Variants in PTPRD observed in about 807,000 individuals in gnomAD.
The protein encoded by PTPRD is receptor-type tyrosine-protein phosphatase delta.
A neutral mutation model predicts 214.5 loss-of-function variants in PTPRD; 34 were observed. That is an observed-to-expected ratio of 0.16 (90% CI 0.12 to 0.21). The LOEUF (loss-of-function observed/expected upper bound fraction) is 0.21, where lower values mean the gene tolerates loss of function less well. Ranked by LOEUF, PTPRD falls within the 10% of genes least tolerant of loss-of-function variation. The probability of loss-of-function intolerance (pLI) is 1.00; values close to 1 mark genes in which losing one functional copy is unlikely to be tolerated. For missense variants in PTPRD, 2,545 were observed against 2,398.7 expected (o/e 1.06, Z -1.27); for synonymous variants, 1,128 against 845.7 (o/e 1.33, Z -5.79).
chr9:10,458,985 G>C (rs946270293), intron 2 of PTPRD, among the ~76,000 whole-genome samples: 2 of 152,076 alleles, frequency 1.3e-5, no homozygotes, highest in Non-Finnish European at 2.9e-5. Context: ...GTTCCGTGGT[G>C]GTTTGCTGCA....
chr9:8,469,821 A>G (rs1042638713), intron 31 of PTPRD, among the ~76,000 whole-genome samples: 1 of 152,094 alleles, frequency 6.6e-6, no homozygotes, highest in African/African-American at 2.4e-5. Flanking sequence ...ACACGATCAA[A>G]TTTAATTCAG....
At chr9:9,804,955 T>C (rs536681602) in intron 5 of PTPRD, among the ~76,000 whole-genome samples, 1 of 152,174 alleles carries the variant, frequency 6.6e-6, no homozygotes, top group East Asian at 1.9e-4. Context: ...TAAAATATAT[T>C]TAAAATTTAC....
chr9:8,491,576 A>C (rs2097150783), intron 27 of PTPRD, among the ~76,000 whole-genome samples: 1 of 151,744 alleles, frequency 6.6e-6, no homozygotes, highest in African/African-American at 2.4e-5. Context: ...ATCCACAGCC[A>C]GATAGTCATC....
At chr9:9,671,007 G>A (rs1167909721) in intron 7 of PTPRD, among the ~76,000 whole-genome samples, 1 of 152,046 alleles carries the variant, frequency 6.6e-6, no homozygotes, top group Non-Finnish European at 1.5e-5. Flanking sequence ...TAAGAAGAGG[G>A]CCACCATACT....
chr9:9,737,870 C>G (rs180862363), intron 6 of PTPRD, among the ~76,000 whole-genome samples: 4 of 152,138 alleles, frequency 2.6e-5, no homozygotes, highest in African/African-American at 9.7e-5. Flanking sequence ...TCAGGGTCAT[C>G]TGGTAATTCT....
chr9:10,549,000 G>T (rs1314269929), intron 2 of PTPRD, among the ~76,000 whole-genome samples: 1 of 152,134 alleles, frequency 6.6e-6, no homozygotes, highest in African/African-American at 2.4e-5. Flanking sequence ...TTTTCCACAA[G>T]CAACTTCATG....
At chr9:9,014,204 T>G (rs199730546) in intron 11 of PTPRD, among the ~76,000 whole-genome samples, 15,346 of 105,884 alleles carry the variant, frequency 0.14, 879 homozygotes, top group Middle Eastern at 0.25. Context: ...TGTTTGTTTT[T>G]TTTTTTTTTC....
chr9:9,232,641 T>C (rs1187438708), intron 9 of PTPRD, among the ~76,000 whole-genome samples: 1 of 152,198 alleles, frequency 6.6e-6, no homozygotes, highest in East Asian at 1.9e-4. Context: ...TAAGTTTGAC[T>C]GTTTTCACAC....
intron 10 of PTPRD, among the ~76,000 whole-genome samples, chr9:9,050,075 GTGCAATTTATTGCCCA>G (rs1230112068): frequency 3.9e-5 from 6 of 152,152 alleles, no homozygotes; most frequent in African/African-American, 1.4e-4. Flanking sequence ...ATGTGTGCTT[GTGCAATTTATTGCCCA>G]TGCAATTTAT....
chr9:9,911,114 G>T (rs1424540055), intron 5 of PTPRD, among the ~76,000 whole-genome samples: 2 of 151,914 alleles, frequency 1.3e-5, no homozygotes, highest in African/African-American at 4.8e-5. Context: ...GGTTTATTGT[G>T]TGGATAATAT....
intron 43 of PTPRD, 75 bp downstream of exon 43, chr9:8,338,847 C>CAGAGAGACAGAG (rs143960430): frequency 1.0e-6 from 1 of 979,240 alleles, no homozygotes; most frequent in Non-Finnish European, 1.4e-6. Context: ...GTGCTTCTCC[C>CAGAGAGACAGAG]AGAGAGAGAG....
intron 3 of PTPRD, among the ~76,000 whole-genome samples, chr9:10,291,363 C>G (rs2095522617): frequency 6.6e-6 from 1 of 152,026 alleles, no homozygotes; most frequent in African/African-American, 2.4e-5. Context: ...ACATCCTAAT[C>G]CTTGAATGTT....
chr9:9,669,703 A>G (rs2096790597), intron 7 of PTPRD, among the ~76,000 whole-genome samples: 1 of 152,162 alleles, frequency 6.6e-6, no homozygotes, highest in Non-Finnish European at 1.5e-5. Flanking sequence ...TAATCTGGCC[A>G]GTTTGAATAA....
At position 9,359,341 on chromosome 9, in the gene PTPRD, C is replaced by T. The variant is rs117816554; in HGVS notation, c.-203+38108G>A. 1.4e-4 allele frequency among the ~76,000 whole-genome samples: 21 copies of T among 151,282 alleles called. No individual in the cohort carries two copies. In the East Asian group the frequency reaches 2.3e-3, roughly 17 times the overall value. ...TTCTAAGGAATAGGAAAGGACACTT[C>T]GGGGACTACAAAGAAATTGATTTAA... On this transcript the variant is annotated intron_variant, in intron 9 of 45. Coordinates refer to ENST00000381196, the MANE Select transcript of PTPRD (RefSeq NM_002839.4).
chr9:8,369,752 G>A (rs932456360), intron 39 of PTPRD, among the ~76,000 whole-genome samples: 2 of 151,848 alleles, frequency 1.3e-5, no homozygotes, highest in African/African-American at 4.8e-5. Flanking sequence ...TGTGACATAA[G>A]ATTTAGTATC....
chr9:10,134,670 A>G (rs1388247189), intron 3 of PTPRD, among the ~76,000 whole-genome samples: 2 of 152,016 alleles, frequency 1.3e-5, no homozygotes, highest in Non-Finnish European at 2.9e-5. Context: ...TTCAACTTAC[A>G]CCACAGTCAA....
At chr9:8,403,523 T>C (rs73420453) in intron 36 of PTPRD, among the ~76,000 whole-genome samples, 4,171 of 152,248 alleles carry the variant, frequency 0.027, 195 homozygotes, top group African/African-American at 0.096. Context: ...GTAGCCAGAG[T>C]AACTAATGAA....
At chr9:8,750,381 C>G (rs975651620) in intron 11 of PTPRD, among the ~76,000 whole-genome samples, 13 of 152,142 alleles carry the variant, frequency 8.5e-5, no homozygotes, top group African/African-American at 3.1e-4. Flanking sequence ...TGGTCTCAAA[C>G]TCCTGACCTC....
At chr9:10,181,641 G>A (rs1338273345) in intron 3 of PTPRD, among the ~76,000 whole-genome samples, 1 of 151,520 alleles carries the variant, frequency 6.6e-6, no homozygotes, top group African/African-American at 2.4e-5. Flanking sequence ...ATAAAACATA[G>A]TAATTAAGAT....
Sources: gnomAD v4.1 joint callset for allele counts (sites outside exome capture counted in the v4.1 genomes callset) on GRCh38, gnomAD v4.1.1 for gene constraint, MANE v1.5 for transcripts, NCBI Gene and HGNC (gene_info 2026-07-23, HGNC 2026-07-21) for gene names.